NPC1L1: variants seen among roughly 807,000 people sequenced by gnomAD.
The protein encoded by NPC1L1 is NPC1 like intracellular cholesterol transporter 1.
In NPC1L1, 98 loss-of-function variants were observed where a neutral mutation model predicts 117.0. That is an observed-to-expected ratio of 0.84 (90% CI 0.71 to 0.99). The LOEUF is 0.99. NPC1L1 is among the 50% of genes least tolerant of loss of function. The probability of loss-of-function intolerance (pLI) is 0.00; values close to 1 mark genes in which losing one functional copy is unlikely to be tolerated. For synonymous variants in NPC1L1, 729 were observed against 727.6 expected (o/e 1.00, Z -0.03); for missense variants, 1,540 against 1,710.0 (o/e 0.90, Z 1.75).
intron 13 of NPC1L1, 23 bp from the exon 14 acceptor site, chr7:44,520,843 G>A (rs1451799953): frequency 1.2e-6 from 2 of 1,613,988 alleles, no homozygotes; most frequent in African/African-American, 1.3e-5. Flanking sequence ...CAGGGCAAAG[G>A]CTTAGCCAGG....
chr7:44,536,764 A>T lies in NPC1L1; in HGVS notation c.1681+78T>A, dbSNP rs1037472160. Reference sequence around the variant, plus strand: ...CCAGGCCGCGAGAATCCCCAGCACCACTCCCACCCTCCCGTCTATGGTTCC... The same window carrying T: ...CCAGGCCGCGAGAATCCCCAGCACCTCTCCCACCCTCCCGTCTATGGTTCC... On this transcript the variant is annotated intron_variant, in intron 3 of 18. Transcript: ENST00000381160. The surrounding 1 kb of genome is among the most constrained non-coding windows in gnomAD (Gnocchi z 4.7). The T allele has an allele frequency of 3.0e-5, 39 of 1,294,716 alleles. No individual in the cohort carries two copies. The highest frequency in any genetic ancestry group is 2.7e-5 in the Non-Finnish European group (24 of 897,138). The allele number at this position is 1,294,716 out of a possible 1,614,324, so 80.2% of individuals were successfully genotyped here. A position where few individuals can be genotyped will look rare whatever the true frequency, so the allele number is the denominator to read the frequency against.
chr7:44,539,045 A>C lies in NPC1L1; in HGVS notation c.1352T>G (p.Leu451Arg). 6.2e-7 allele frequency: 1 copy of C among 1,614,094 alleles called. No homozygotes were observed. The highest frequency in any genetic ancestry group is 8.5e-7 in the Non-Finnish European group (1 of 1,179,980). ...GGGCGACCATACCTGGAGGTGCCGC[A>C]GCCTCTCCTGCAGCTCTAGCAGCTC... ...LLELLELQER[L>R]RHLQVWSPEA... The change falls in exon 2 of 19, where the codon CTG becomes CGG. Residue 451 changes from leucine to arginine, a missense_variant. Physicochemically the swap from Leu to Arg is moderately radical, Grantham distance 102 (BLOSUM62 -2). This residue lies in a region of NPC1L1 where 793 missense variants were observed against 820.4 expected (regional missense o/e 0.97). Coordinates refer to ENST00000381160, the MANE Select transcript of NPC1L1 (RefSeq NM_001101648.2). The surrounding 1 kb of genome is among the most constrained non-coding windows in gnomAD (Gnocchi z 4.4).
At chr7:44,531,958 G>T in intron 9 of NPC1L1, 114 bp from the exon 10 acceptor site, 1 of 1,536,670 alleles carries the variant, frequency 6.5e-7, no homozygotes, top group Non-Finnish European at 8.9e-7. Flanking sequence ...GAGCAGACTT[G>T]CGTGCCAGCC....
At position 44,536,736 on chromosome 7, in the gene NPC1L1, C is replaced by A; in HGVS notation, c.1681+106G>T. ...CCTACAGCTTCCAGAAGCCAGGCTA[C>A]CCCCAGGCCGCGAGAATCCCCAGCA... is the stretch of plus-strand genomic sequence containing the variant. On this transcript the variant is annotated intron_variant, in intron 3 of 18. Coordinates refer to ENST00000381160, the MANE Select transcript of NPC1L1 (RefSeq NM_001101648.2). The surrounding 1 kb of genome is among the most constrained non-coding windows in gnomAD (Gnocchi z 4.7). 9.8e-7 allele frequency: 1 copy of A among 1,018,112 alleles called. No homozygotes were observed. Among genetic ancestry groups the A allele is most frequent in the Non-Finnish European group, 1.5e-6 (1 of 655,788 alleles). 63.1% of individuals were successfully genotyped at this position (1,018,112 alleles called of 1,614,324 possible).
At position 44,513,150 on chromosome 7, in the gene NPC1L1, T is replaced by C. The variant is rs1801087759; in HGVS notation, c.*297A>G. The C allele has an allele frequency of 2.4e-5, 11 of 461,292 alleles. No individual in the cohort carries two copies. Among genetic ancestry groups the C allele is most frequent in the South Asian group, 2.4e-4 (11 of 46,392 alleles). 28.6% of individuals were successfully genotyped at this position (461,292 alleles called of 1,614,324 possible). The stretch of plus-strand genomic sequence containing the variant: ...GTGGGCTCCTAGGAAAGTGAGTGAG[T>C]GTGGGACAAACATGGAGTGTGTCTG... On this transcript the variant is annotated 3_prime_UTR_variant, in exon 19 of 19. Transcript: ENST00000381160.
At chr7:44,515,341 A>G (rs1801151584) in intron 18 of NPC1L1, among the ~76,000 whole-genome samples, 1 of 152,192 alleles carries the variant, frequency 6.6e-6, no homozygotes, top group African/African-American at 2.4e-5. Flanking sequence ...GTGTCAGAGC[A>G]AGACCCTGTC....
At chr7:44,518,955 TC>T (rs1563201910) in intron 14 of NPC1L1, among the ~76,000 whole-genome samples, 1 of 151,954 alleles carries the variant, frequency 6.6e-6, no homozygotes, top group African/African-American at 2.4e-5. Context: ...TCTTTCTTTT[TC>T]TTCCTTCCTT....
In NPC1L1 at chr7:44,534,701, CCAGA is replaced by C. The variant is rs35235378; in HGVS notation, c.1984-76_1984-73del. On this transcript the variant is annotated intron_variant, in intron 5 of 18. Coordinates refer to ENST00000381160, the MANE Select transcript of NPC1L1 (RefSeq NM_001101648.2). The surrounding 1 kb of genome is among the most constrained non-coding windows in gnomAD (Gnocchi z 5.2). Reference sequence around the variant, plus strand: ...AGTATGCCCACCAGCCTCAGCTAGGCCAGACAAAGTAGCCGGCAGGCACCCTCAG... The same window carrying C: ...AGTATGCCCACCAGCCTCAGCTAGGCCAAAGTAGCCGGCAGGCACCCTCAG... The C allele has an allele frequency of 3.9e-3, 6,073 of 1,557,808 alleles. 129 individuals are homozygous for C. In the African/African-American group the frequency reaches 0.057, roughly 15 times the overall value.
At position 44,531,743 on chromosome 7, in the gene NPC1L1, G is replaced by T; in HGVS notation, c.2637+12C>A. On this transcript the variant is annotated intron_variant, in intron 10 of 18. Transcript: ENST00000381160. The stretch of plus-strand genomic sequence containing the variant: ...CCCAGGGGCCTAAGGGTTGAGAAGG[G>T]CCTGGGCTCACCTTGGGCAGGGCCA... 6.4e-7 allele frequency: 1 copy of T among 1,561,098 alleles called. No homozygotes were observed. Among genetic ancestry groups the T allele is most frequent in the East Asian group, 2.4e-5 (1 of 42,236 alleles).
At position 44,533,737 on chromosome 7, in the gene NPC1L1, A is replaced by G; in HGVS notation, c.2281+2T>C. Reference sequence around the variant, plus strand: ...GAGTGGGGAGGTCTCACCCAGGCTCACCTAGGAAGAAGCAGATGGCCTCAG... The same window carrying G: ...GAGTGGGGAGGTCTCACCCAGGCTCGCCTAGGAAGAAGCAGATGGCCTCAG... On this transcript the variant is annotated splice_donor_variant, in intron 7 of 18. Transcript: ENST00000381160. LOFTEE classifies it high-confidence loss of function. The G allele has an allele frequency of 1.2e-6, 2 of 1,613,310 alleles. No homozygotes were observed. The highest frequency in any genetic ancestry group is 1.7e-6 in the Non-Finnish European group (2 of 1,179,336).
chr7:44,526,026 C>G (rs1246539488), intron 10 of NPC1L1, among the ~76,000 whole-genome samples: 3 of 152,082 alleles, frequency 2.0e-5, no homozygotes, highest in Middle Eastern at 3.2e-3. Flanking sequence ...ATTAGCCAGG[C>G]ATGGTGGCAC....
intron 10 of NPC1L1, among the ~76,000 whole-genome samples, chr7:44,527,117 C>A (rs757900852): frequency 5.9e-5 from 9 of 152,144 alleles, no homozygotes; most frequent in African/African-American, 9.7e-5. Context: ...TATCACTAGA[C>A]CTTCCCTGAA....
intron 15 of NPC1L1, 125 bp downstream of exon 15, chr7:44,517,082 G>C (rs1258458882): frequency 4.1e-6 from 6 of 1,463,834 alleles, no homozygotes; most frequent in Non-Finnish European, 5.7e-6. Context: ...CAAGGCTGCA[G>C]CCAGAGCCTC....
intron 11 of NPC1L1, 91 bp downstream of exon 11, chr7:44,521,961 A>C (rs1801373214): frequency 6.3e-7 from 1 of 1,594,118 alleles, no homozygotes; most frequent in African/African-American, 1.3e-5. Context: ...GCAGCAGGAC[A>C]GGGATAGAAC....
In NPC1L1 at chr7:44,539,097, C is replaced by A. The variant is rs114375162; in HGVS notation, c.1300G>T (p.Gly434Ter). The change falls in exon 2 of 19, where the codon GGA becomes TGA. Residue 434 changes from glycine (G) to a stop codon, truncating the protein, a stop_gained. Transcript: ENST00000381160. LOFTEE classifies it high-confidence loss of function. This position sits in a 1 kb window ranked among gnomAD's most constrained non-coding sequence, Gnocchi z 4.4. ...SLLLGPKNFS[G>*]ILDLDLLLEL... Reference sequence around the variant, plus strand: ...AGCAGCAAGTCCAGGTCCAGGATTCCGCTGAAGTTCTTGGGCCCCAGCAGC... The same window carrying A: ...AGCAGCAAGTCCAGGTCCAGGATTCAGCTGAAGTTCTTGGGCCCCAGCAGC... The A allele has an allele frequency of 7.4e-6, 12 of 1,613,924 alleles. No homozygotes were observed. The East Asian group carries it at 2.7e-4, about 36-fold the overall frequency.
At position 44,533,438 on chromosome 7, in the gene NPC1L1, C is replaced by T. The variant is rs752677321; in HGVS notation, c.2402G>A (p.Arg801Lys). The T allele has an allele frequency of 1.5e-5, 24 of 1,613,820 alleles. No homozygotes were observed. In the South Asian group the frequency reaches 2.6e-4, roughly 18 times the overall value. ...FVALLSLDSK[R>K]QEASRLDVCC... ...TGGCCCAGCTGCCCCTACCTCCTGC[C>T]TCTTGCTGTCCAGGGAGAGCAGGGC... is the stretch of plus-strand genomic sequence containing the variant. Residue 801 changes from arginine to lysine, a missense_variant, in exon 8 of 19, where the codon AGG becomes AAG. This residue lies in a region of NPC1L1 where 742 missense variants were observed against 873.6 expected (regional missense o/e 0.85). Coordinates refer to ENST00000381160, the MANE Select transcript of NPC1L1 (RefSeq NM_001101648.2).
At position 44,534,811 on chromosome 7, in the gene NPC1L1, C is replaced by T. The variant is rs80291052; in HGVS notation, c.1984-182G>A. ...AAGCCCCTCTGCAGAGCCATCCTCC[C>T]AAGGGGAGGTCCAGGAAACCCAAAG... On this transcript the variant is annotated intron_variant, in intron 5 of 18. Coordinates refer to ENST00000381160, the MANE Select transcript of NPC1L1 (RefSeq NM_001101648.2). This position sits in a 1 kb window ranked among gnomAD's most constrained non-coding sequence, Gnocchi z 5.2. 6.1e-3 allele frequency among the ~76,000 whole-genome samples: 926 copies of T among 152,314 alleles called. 9 individuals carry two copies. The highest frequency in any genetic ancestry group is 0.02 in the African/African-American group (836 of 41,568).
At position 44,536,883 on chromosome 7, in the gene NPC1L1, C is replaced by T; in HGVS notation, c.1640G>A (p.Gly547Glu). Reference protein sequence around the residue: ...ALALSCMADYGAPVFPFLAIG... With the variant: ...ALALSCMADYEAPVFPFLAIG... ...GGCAAGGAAGGGGAAGACAGGGGCC[C>T]CGTAGTCAGCCATGCAGCTCAGGGC... The change falls in exon 3 of 19, where the codon GGG (glycine) becomes GAG (glutamate). Residue 547 changes from glycine to glutamate, a missense_variant. Physicochemically the swap from Gly to Glu is moderately conservative, Grantham distance 98 (BLOSUM62 -2). This residue lies in a region of NPC1L1 where 793 missense variants were observed against 820.4 expected (regional missense o/e 0.97). Transcript: ENST00000381160. This position sits in a 1 kb window ranked among gnomAD's most constrained non-coding sequence, Gnocchi z 4.7. 1 of 1,614,144 alleles carries T rather than the reference C, an allele frequency of 6.2e-7. No individual in the cohort carries two copies. The highest frequency in any genetic ancestry group is 8.5e-7 in the Non-Finnish European group (1 of 1,180,012).
chr7:44,530,424 C>T (rs1018390873), intron 10 of NPC1L1, among the ~76,000 whole-genome samples: 3 of 151,944 alleles, frequency 2.0e-5, no homozygotes, highest in African/African-American at 7.3e-5. Flanking sequence ...GGTAAAGTTT[C>T]AATTTTGCAA....
Sources: allele counts gnomAD v4.1 joint callset (sites outside exome capture counted in the v4.1 genomes callset), GRCh38; gene constraint gnomAD v4.1.1; regional missense constraint gnomAD v4.1.1; non-coding constraint Gnocchi (gnomAD v3.1); transcripts MANE v1.5; gene names NCBI Gene and HGNC (gene_info 2026-07-23, HGNC 2026-07-21).